The following STXBP5L variants were observed in gnomAD, a reference collection of about 807,000 sequenced individuals.
The protein encoded by STXBP5L is syntaxin binding protein 5L, also known as syntaxin-binding protein 5-like.
Under a neutral mutation model 144.5 loss-of-function variants are expected in STXBP5L, and 65 were observed. The ratio of observed to expected loss-of-function variants is 0.45; its 90% confidence interval spans 0.37 to 0.55. The LOEUF is 0.55. Among genes scored for constraint, STXBP5L ranks in the 20% least tolerant of loss-of-function variants. The pLI, the probability that STXBP5L is intolerant of heterozygous loss-of-function variation, is 0.00. For missense variants in STXBP5L, 1,298 were observed against 1,405.5 expected, an observed-to-expected ratio of 0.92 and a Z score of 1.22; for synonymous variants, 505 against 469.6, an observed-to-expected ratio of 1.08 and a Z score of -0.97.
intron 5 of STXBP5L, among the ~76,000 whole-genome samples, chr3:121,087,966 C>G (rs555940158): frequency 2.6e-5 from 4 of 152,218 alleles, no homozygotes; most frequent in Non-Finnish European, 5.9e-5. Flanking sequence ...TTACTTCTCT[C>G]ATTTATAATA....
intron 20 of STXBP5L, among the ~76,000 whole-genome samples, chr3:121,354,657 T>C (rs935196189): frequency 1.3e-5 from 2 of 152,084 alleles, no homozygotes; most frequent in African/African-American, 4.8e-5. Context: ...AATTTGCCAG[T>C]CTGTGTCTTA....
intron 5 of STXBP5L, among the ~76,000 whole-genome samples, chr3:121,054,705 A>T (rs1340816154): frequency 1.3e-5 from 2 of 151,922 alleles, no homozygotes; most frequent in East Asian, 3.9e-4. Flanking sequence ...AAACCTGCAC[A>T]TTGTGCACAT....
intron 5 of STXBP5L, among the ~76,000 whole-genome samples, chr3:121,048,443 C>G (rs760278256): frequency 1.2e-4 from 18 of 152,186 alleles, no homozygotes; most frequent in Non-Finnish European, 8.8e-5. Context: ...ATATATTTTC[C>G]AAGTTGCTTG....
At chr3:121,343,287 G>T (rs2044804004) in intron 20 of STXBP5L, among the ~76,000 whole-genome samples, 1 of 151,954 alleles carries the variant, frequency 6.6e-6, no homozygotes, top group Admixed American at 6.6e-5. Context: ...CTCCCATTTT[G>T]TAGGTTGGCT....
chr3:121,053,981 C>T (rs1349159759), intron 5 of STXBP5L, among the ~76,000 whole-genome samples: 1 of 152,076 alleles, frequency 6.6e-6, no homozygotes, highest in Non-Finnish European at 1.5e-5. Flanking sequence ...CCAAAAGACA[C>T]ATGAAAAAAT....
intron 7 of STXBP5L, among the ~76,000 whole-genome samples, chr3:121,128,234 T>G (rs2044805836): frequency 6.6e-6 from 1 of 151,960 alleles, no homozygotes; most frequent in Non-Finnish European, 1.5e-5. Context: ...GCAGGGACAC[T>G]TGGATATGGT....
At chr3:121,143,608 A>G (rs979821310) in intron 7 of STXBP5L, among the ~76,000 whole-genome samples, 6 of 151,936 alleles carry the variant, frequency 3.9e-5, no homozygotes, top group Non-Finnish European at 7.4e-5. Context: ...AAAAACAGAC[A>G]TATAGACCAA....
chr3:121,095,149 GA>G (rs1277837453), intron 5 of STXBP5L, among the ~76,000 whole-genome samples: 1 of 152,194 alleles, frequency 6.6e-6, no homozygotes, highest in African/African-American at 2.4e-5. Flanking sequence ...TTTCTGCCGA[GA>G]GATCCGCTGT....
At chr3:121,108,135 A>G (rs2043803725) in intron 5 of STXBP5L, among the ~76,000 whole-genome samples, 1 of 152,168 alleles carries the variant, frequency 6.6e-6, no homozygotes, top group Non-Finnish European at 1.5e-5. Context: ...GATTTTCTAT[A>G]TGTACGATTA....
intron 19 of STXBP5L, among the ~76,000 whole-genome samples, chr3:121,295,943 C>T (rs750583856): frequency 3.3e-5 from 5 of 152,082 alleles, no homozygotes; most frequent in Non-Finnish European, 5.9e-5. Context: ...TTGATGTTTA[C>T]AAGTTATTAC....
At chr3:121,183,073 G>C (rs1287709541) in intron 9 of STXBP5L, among the ~76,000 whole-genome samples, 2 of 152,116 alleles carry the variant, frequency 1.3e-5, no homozygotes, top group African/African-American at 2.4e-5. Flanking sequence ...TGGGGAAAAA[G>C]TACTTGACAA....
chr3:121,354,508 C>CTTTTTTTTTTTTTTTT (rs145703750), intron 20 of STXBP5L, among the ~76,000 whole-genome samples: 6 of 67,542 alleles, frequency 8.9e-5, no homozygotes, highest in Non-Finnish European at 1.4e-4. Context: ...TGCAACCCTG[C>CTTTTTTTTTTTTTTTT]TTTTTTTTTT....
At chr3:121,203,456 A>T (rs889751740) in intron 9 of STXBP5L, among the ~76,000 whole-genome samples, 6 of 152,172 alleles carry the variant, frequency 3.9e-5, no homozygotes, top group Non-Finnish European at 7.4e-5. Context: ...AGTGAATTTT[A>T]AGCCTCTGGA....
intron 20 of STXBP5L, among the ~76,000 whole-genome samples, chr3:121,364,067 T>G (rs1456203164): frequency 2.0e-5 from 3 of 152,222 alleles, no homozygotes; most frequent in Non-Finnish European, 4.4e-5. Flanking sequence ...ATTTTTTCAT[T>G]TCTTGTTTGT....
chr3:121,125,735 TCTC>T (rs1210890213), intron 7 of STXBP5L, among the ~76,000 whole-genome samples: 1 of 152,136 alleles, frequency 6.6e-6, no homozygotes, highest in Non-Finnish European at 1.5e-5. Flanking sequence ...TATTCCCAGG[TCTC>T]TGGCTCCTTT....
At chr3:121,332,407 CAAAAAAAAAA>C (rs201605873) in intron 20 of STXBP5L, among the ~76,000 whole-genome samples, 1 of 86,540 alleles carries the variant, frequency 1.2e-5, no homozygotes, top group Non-Finnish European at 2.6e-5. Flanking sequence ...TAGATATTTT[CAAAAAAAAAA>C]AAAAAAACCA....
At chr3:121,247,059 G>A (rs775122001) in intron 14 of STXBP5L, among the ~76,000 whole-genome samples, 3 of 152,174 alleles carry the variant, frequency 2.0e-5, no homozygotes, top group African/African-American at 4.8e-5. Flanking sequence ...CTCCCAGTGG[G>A]TGAATTTTAT....
Position 121,420,612 on chromosome 3 carries a change from T to G in STXBP5L, c.*1515T>G, listed in dbSNP as rs1476381282. The G allele has an allele frequency of 6.6e-6, 1 of 152,136 alleles. No individual in the cohort carries two copies. Among genetic ancestry groups the G allele is most frequent in the Non-Finnish European group, 1.5e-5 (1 of 67,996 alleles). 9.4% of individuals were successfully genotyped at this position (152,136 alleles called of 1,614,324 possible). On this transcript the variant is annotated 3_prime_UTR_variant, in exon 27 of 27. Coordinates refer to ENST00000471454, the MANE Select transcript of STXBP5L (RefSeq NM_001308330.2). ...GGAAGTCAAAAGTTATAGGAATGTA[T>G]ATATACACATTCCAGGACCCATCCT... is the stretch of plus-strand genomic sequence containing the variant.
At chr3:121,270,349 A>G (rs2050699891) in intron 18 of STXBP5L, among the ~76,000 whole-genome samples, 1 of 152,032 alleles carries the variant, frequency 6.6e-6, no homozygotes, top group South Asian at 2.1e-4. Flanking sequence ...GATATGTCCC[A>G]ATAATGTCAT....
Sources: allele counts gnomAD v4.1 joint callset (sites outside exome capture counted in the v4.1 genomes callset), GRCh38; gene constraint gnomAD v4.1.1; transcripts MANE v1.5; gene names NCBI Gene and HGNC (gene_info 2026-07-23, HGNC 2026-07-21).